Variants in MICU1 observed in about 807,000 individuals in gnomAD.
MICU1 encodes the protein mitochondrial calcium uptake 1.
MICU1 carries 45 observed loss-of-function variants against 56.8 expected under a neutral mutation model. The ratio of observed to expected loss-of-function variants is 0.79; its 90% CI spans 0.62 to 1.02. MICU1 has a LOEUF of 1.02. Among genes scored for constraint, MICU1 ranks in the 50% least tolerant of loss-of-function variants. The pLI, the probability that MICU1 is intolerant of heterozygous loss-of-function variation, is 0.00. For synonymous variants in MICU1, 186 were observed against 195.1 expected (o/e 0.95, Z 0.39); for missense variants, 504 against 587.1 (o/e 0.86, Z 1.46).
chr10:72,444,378 T>G (rs58566856), intron 8 of MICU1, among the ~76,000 whole-genome samples: 13,238 of 148,744 alleles, frequency 0.089, 1,616 homozygotes, highest in African/African-American at 0.27. Context: ...ATAATAATAA[T>G]AAGAAGAAAA....
intron 1 of MICU1, among the ~76,000 whole-genome samples, chr10:72,621,789 C>T (rs1416434736): frequency 6.6e-6 from 1 of 151,936 alleles, no homozygotes; most frequent in East Asian, 1.9e-4. Context: ...GATACACACA[C>T]TGGAAGAGTG....
At chr10:72,589,807 T>A (rs1841171104) in intron 1 of MICU1, among the ~76,000 whole-genome samples, 1 of 152,220 alleles carries the variant, frequency 6.6e-6, no homozygotes, top group East Asian at 1.9e-4. Flanking sequence ...CTAATATTTT[T>A]AAACGATCAT....
In MICU1 at chr10:72,598,727, T is replaced by C. The variant is rs529558495; in HGVS notation, c.-2+27283A>G. On this transcript the variant is annotated intron_variant, in intron 1 of 11. Coordinates refer to ENST00000361114, the MANE Select transcript of MICU1 (RefSeq NM_001195518.2). ...GGTCCGGATTATTTTTACTAGATCC[T>C]AAATGAAGAATAACCCCAAAAAATG... Among the ~76,000 whole-genome samples, 26 of 152,266 alleles carry C rather than the reference T, an allele frequency of 1.7e-4. No homozygotes were observed. In the South Asian group the frequency reaches 2.7e-3, roughly 16 times the overall value.
At chr10:72,400,474 G>T (rs1863414994) in intron 10 of MICU1, among the ~76,000 whole-genome samples, 1 of 152,018 alleles carries the variant, frequency 6.6e-6, no homozygotes, top group African/African-American at 2.4e-5. Context: ...GGCCGGGCGT[G>T]GTGGCTCATG....
chr10:72,582,429 T>A (rs1170111309), intron 1 of MICU1, among the ~76,000 whole-genome samples: 1 of 152,106 alleles, frequency 6.6e-6, no homozygotes, highest in Non-Finnish European at 1.5e-5. Flanking sequence ...GTAATGAAGA[T>A]AAAACAACTA....
At chr10:72,498,177 G>T (rs985748706) in intron 6 of MICU1, among the ~76,000 whole-genome samples, 4 of 152,200 alleles carry the variant, frequency 2.6e-5, no homozygotes, top group Non-Finnish European at 5.9e-5. Flanking sequence ...ATGAGAAGAA[G>T]GAATACTTTT....
intron 10 of MICU1, among the ~76,000 whole-genome samples, chr10:72,399,754 G>C (rs183436264): frequency 1.4e-4 from 21 of 152,260 alleles, no homozygotes; most frequent in African/African-American, 4.6e-4. Context: ...CTTGAGGTCA[G>C]GAGTTTGAGA....
At chr10:72,405,870 T>C (rs1863612881) in intron 10 of MICU1, among the ~76,000 whole-genome samples, 1 of 151,914 alleles carries the variant, frequency 6.6e-6, no homozygotes, top group South Asian at 2.1e-4. Flanking sequence ...CTATGAAAAA[T>C]CTAATCTAAT....
At chr10:72,596,136 C>T (rs1389409306) in intron 1 of MICU1, among the ~76,000 whole-genome samples, 2 of 152,156 alleles carry the variant, frequency 1.3e-5, no homozygotes, top group Non-Finnish European at 2.9e-5. Context: ...CAGGCGCCCA[C>T]CACCACGCCC....
At chr10:72,383,024 T>A (rs1862767826) in intron 10 of MICU1, among the ~76,000 whole-genome samples, 1 of 152,190 alleles carries the variant, frequency 6.6e-6, no homozygotes, top group African/African-American at 2.4e-5. Flanking sequence ...TCCTAGTGGT[T>A]TGGGAGGCCA....
At chr10:72,565,980 GT>G (rs1406767976) in intron 2 of MICU1, among the ~76,000 whole-genome samples, 1 of 149,846 alleles carries the variant, frequency 6.7e-6, no homozygotes, top group Admixed American at 6.6e-5. Context: ...AAGTACCAAG[GT>G]TCCTTTGTTA....
At chr10:72,544,298 C>T (rs762657622) in intron 4 of MICU1, among the ~76,000 whole-genome samples, 7 of 152,106 alleles carry the variant, frequency 4.6e-5, no homozygotes, top group African/African-American at 9.7e-5. Flanking sequence ...CCGAAGCTCC[C>T]GGCCGAATAA....
chr10:72,453,518 C>T (rs1037272157), intron 8 of MICU1, among the ~76,000 whole-genome samples: 2 of 151,866 alleles, frequency 1.3e-5, no homozygotes, highest in Admixed American at 6.6e-5. Flanking sequence ...CTTTATTTTA[C>T]TTATTTATTT....
chr10:72,389,831 T>C (rs1409566107), intron 10 of MICU1, among the ~76,000 whole-genome samples: 1 of 152,198 alleles, frequency 6.6e-6, no homozygotes, highest in East Asian at 1.9e-4. Context: ...AACTTTTTCA[T>C]CATAGAAAGC....
intron 1 of MICU1, among the ~76,000 whole-genome samples, chr10:72,592,783 C>CTT (rs1264231748): frequency 2.1e-4 from 29 of 137,656 alleles, no homozygotes; most frequent in African/African-American, 5.6e-4. Flanking sequence ...ACTTTTCTTT[C>CTT]TTTTTTTTTT....
intron 5 of MICU1, among the ~76,000 whole-genome samples, chr10:72,513,583 A>G (rs1867553503): frequency 1.3e-5 from 2 of 152,054 alleles, no homozygotes; most frequent in South Asian, 4.1e-4. Context: ...CTATTTTATT[A>G]TTTGTGCTTT....
At chr10:72,621,499 T>A (rs1842104586) in intron 1 of MICU1, among the ~76,000 whole-genome samples, 1 of 151,732 alleles carries the variant, frequency 6.6e-6, no homozygotes, top group East Asian at 1.9e-4. Context: ...TCTCAAAAAA[T>A]AATAATAATA....
intron 1 of MICU1, among the ~76,000 whole-genome samples, chr10:72,591,697 T>C (rs1302021176): frequency 6.6e-6 from 1 of 152,098 alleles, no homozygotes; most frequent in Non-Finnish European, 1.5e-5. Context: ...TGAAAGGGTC[T>C]CTAATTAGTA....
intron 1 of MICU1, among the ~76,000 whole-genome samples, chr10:72,597,045 A>G (rs1186907835): frequency 6.6e-6 from 1 of 152,178 alleles, no homozygotes; most frequent in African/African-American, 2.4e-5. Context: ...ATGAAGGCAT[A>G]TGTGGGAACT....
Sources: gnomAD v4.1 joint callset for allele counts (sites outside exome capture counted in the v4.1 genomes callset) on GRCh38, gnomAD v4.1.1 for gene constraint, MANE v1.5 for transcripts, NCBI Gene and HGNC (gene_info 2026-07-23, HGNC 2026-07-21) for gene names.